The following FHIT variants were observed in gnomAD, a reference collection of about 807,000 sequenced individuals.
FHIT encodes bis(5'-adenosyl)-triphosphatase.
FHIT carries 19 observed loss-of-function variants against 17.9 expected under a neutral mutation model. That is an observed-to-expected ratio of 1.06 (90% CI 0.74 to 1.56). The LOEUF is 1.56. Ranked by LOEUF, FHIT falls within the 40% of genes most tolerant of loss-of-function variation. The pLI is 0.00. For synonymous variants in FHIT, 81 were observed against 69.7 expected, an observed-to-expected ratio of 1.16 and a Z score of -0.81; for missense variants, 248 against 189.2, an observed-to-expected ratio of 1.31 and a Z score of -1.82.
chr3:59,808,846 T>C (rs1297572003), intron 8 of FHIT, among the ~76,000 whole-genome samples: 1 of 152,180 alleles, frequency 6.6e-6, no homozygotes, highest in Non-Finnish European at 1.5e-5. Context: ...CTTCTGATAC[T>C]TCACACAACA....
At chr3:60,903,856 C>T (rs1023058661) in intron 3 of FHIT, among the ~76,000 whole-genome samples, 5 of 152,152 alleles carry the variant, frequency 3.3e-5, no homozygotes, top group African/African-American at 1.2e-4. Context: ...TAGCCTATAT[C>T]CTCTGGAGGA....
chr3:60,552,487 C>T (rs1013528224), intron 4 of FHIT, among the ~76,000 whole-genome samples: 14 of 152,122 alleles, frequency 9.2e-5, no homozygotes, highest in African/African-American at 3.4e-4. Context: ...TCACCAACAC[C>T]CCACTCCCAG....
intron 4 of FHIT, among the ~76,000 whole-genome samples, chr3:60,762,421 G>A (rs1237660458): frequency 6.6e-6 from 1 of 152,146 alleles, no homozygotes; most frequent in Non-Finnish European, 1.5e-5. Context: ...TCTTTCTTCT[G>A]CCTGTGATGC....
At chr3:60,704,564 G>A (rs912779270) in intron 4 of FHIT, among the ~76,000 whole-genome samples, 4 of 152,054 alleles carry the variant, frequency 2.6e-5, no homozygotes, top group African/African-American at 9.7e-5. Context: ...CATTTCAAGG[G>A]GTTATTGTTA....
At chr3:60,482,819 A>G (rs1259890038) in intron 5 of FHIT, among the ~76,000 whole-genome samples, 5 of 152,084 alleles carry the variant, frequency 3.3e-5, no homozygotes, top group Non-Finnish European at 7.4e-5. Flanking sequence ...ACAAGAAATA[A>G]CTAAGATCAG....
intron 5 of FHIT, among the ~76,000 whole-genome samples, chr3:60,117,197 G>C (rs1395143611): frequency 6.6e-6 from 1 of 152,092 alleles, no homozygotes; most frequent in East Asian, 1.9e-4. Flanking sequence ...TTCCAGAAGG[G>C]AATGATTATT....
chr3:60,202,475 G>A (rs1702959419), intron 5 of FHIT, among the ~76,000 whole-genome samples: 1 of 152,176 alleles, frequency 6.6e-6, no homozygotes, highest in South Asian at 2.1e-4. Flanking sequence ...CACGGTGTGT[G>A]GTCAGGCACT....
intron 4 of FHIT, among the ~76,000 whole-genome samples, chr3:60,626,066 A>G (rs2039276840): frequency 6.6e-6 from 1 of 152,146 alleles, no homozygotes; most frequent in African/African-American, 2.4e-5. Context: ...TATTTCTGGA[A>G]TCTCAGTTCT....
At chr3:60,095,390 T>C (rs1197758801) in intron 5 of FHIT, among the ~76,000 whole-genome samples, 2 of 152,232 alleles carry the variant, frequency 1.3e-5, no homozygotes, top group African/African-American at 2.4e-5. Context: ...TCTATTGTTT[T>C]TCAATTGCTT....
chr3:60,848,071 G>A (rs1002702914), intron 3 of FHIT, among the ~76,000 whole-genome samples: 4 of 152,146 alleles, frequency 2.6e-5, no homozygotes, highest in Non-Finnish European at 5.9e-5. Flanking sequence ...CCTCTAGGCA[G>A]CTCCCAAATG....
At chr3:61,020,115 A>C (rs2032333657) in intron 3 of FHIT, among the ~76,000 whole-genome samples, 1 of 152,166 alleles carries the variant, frequency 6.6e-6, no homozygotes, top group African/African-American at 2.4e-5. Context: ...ATTGCCACAC[A>C]GTCTTCCACA....
chr3:60,858,882 G>C (rs1703493936), intron 3 of FHIT, among the ~76,000 whole-genome samples: 1 of 152,090 alleles, frequency 6.6e-6, no homozygotes. Context: ...ATAATCACAG[G>C]CTGCAATGCC....
In FHIT at chr3:59,831,275, T is replaced by TATG. The variant is rs374077447; in HGVS notation, c.349-78957_349-78955dup. On this transcript the variant is annotated intron_variant, in intron 8 of 9. Transcript: ENST00000492590. ...TCAACATTATCTGTGATGCTGGTGATATGATGATGATGATGATGATGATGA... is the reference window on the plus strand; with the variant it reads ...TCAACATTATCTGTGATGCTGGTGATATGATGATGATGATGATGATGATGATGA... Among the ~76,000 whole-genome samples the TATG allele has an allele frequency of 2.0e-3, 309 of 151,716 alleles. 1 individual carries two copies. The highest frequency in any genetic ancestry group is 5.1e-3 in the African/African-American group (211 of 41,454).
intron 5 of FHIT, among the ~76,000 whole-genome samples, chr3:60,286,317 T>A (rs1707727131): frequency 6.6e-6 from 1 of 152,200 alleles, no homozygotes; most frequent in Admixed American, 6.5e-5. Context: ...TTGGAATAAA[T>A]TAGAGTCATT....
At chr3:61,150,881 C>G (rs1379857860) in intron 2 of FHIT, among the ~76,000 whole-genome samples, 1 of 151,990 alleles carries the variant, frequency 6.6e-6, no homozygotes, top group Non-Finnish European at 1.5e-5. Context: ...GGCCTAGCAC[C>G]AAATATTATT....
intron 7 of FHIT, among the ~76,000 whole-genome samples, chr3:59,933,882 C>T (rs534306994): frequency 6.6e-6 from 1 of 152,134 alleles, no homozygotes. Flanking sequence ...AAAGAAGGCT[C>T]TGTGAAAGTT....
At chr3:61,233,809 T>C (rs369118598) in intron 1 of FHIT, among the ~76,000 whole-genome samples, 7 of 152,158 alleles carry the variant, frequency 4.6e-5, no homozygotes, top group East Asian at 1.9e-4. Context: ...AATACAAACA[T>C]GATGCTTGCT....
chr3:60,780,455 T>C (rs762956516), intron 4 of FHIT, among the ~76,000 whole-genome samples: 1 of 152,202 alleles, frequency 6.6e-6, no homozygotes, highest in Non-Finnish European at 1.5e-5. Flanking sequence ...TCCCTCTACG[T>C]GTGCAAACTG....
At chr3:61,022,762 G>A (rs548988199) in intron 3 of FHIT, among the ~76,000 whole-genome samples, 2 of 152,154 alleles carry the variant, frequency 1.3e-5, no homozygotes, top group Non-Finnish European at 2.9e-5. Context: ...TAACTCAATA[G>A]ATGCAGAAAA....
Sources: allele counts gnomAD v4.1 joint callset (sites outside exome capture counted in the v4.1 genomes callset), GRCh38; gene constraint gnomAD v4.1.1; transcripts MANE v1.5; gene names NCBI Gene and HGNC (gene_info 2026-07-23, HGNC 2026-07-21).